AIPL1: variants seen among roughly 807,000 people sequenced by gnomAD.
AIPL1 encodes aryl-hydrocarbon-interacting protein-like 1.
In AIPL1, 23 loss-of-function variants were observed where a neutral mutation model predicts 32.9. That is an observed-to-expected ratio of 0.70 (90% confidence interval 0.50 to 0.99). The LOEUF is 0.99. Among genes scored for constraint, AIPL1 ranks in the 50% least tolerant of loss-of-function variants. AIPL1 has a pLI of 0.00. For missense variants in AIPL1, 485 were observed against 506.0 expected, an observed-to-expected ratio of 0.96 and a Z score of 0.40; for synonymous variants, 210 against 209.4, an observed-to-expected ratio of 1.00 and a Z score of -0.02.
chr17:6,433,002 G>A (rs948249401), intron 2 of AIPL1, among the ~76,000 whole-genome samples: 38 of 152,212 alleles, frequency 2.5e-4, no homozygotes, highest in African/African-American at 8.9e-4. Flanking sequence ...GGAAGTGGGT[G>A]GGTTGGGAGA....
intron 2 of AIPL1, among the ~76,000 whole-genome samples, chr17:6,429,588 G>T (rs12942618): frequency 2.6e-5 from 4 of 152,086 alleles, no homozygotes; most frequent in Admixed American, 1.3e-4. Flanking sequence ...GGCACCCCAT[G>T]GCTCCCAGCA....
chr17:6,425,656 C>A lies in AIPL1; in HGVS notation c.959G>T (p.Arg320Leu). 1 of 1,611,390 alleles carries A rather than the reference C, an allele frequency of 6.2e-7. No homozygotes were observed. The highest frequency in any genetic ancestry group is 8.5e-7 in the Non-Finnish European group (1 of 1,179,942). The change falls in exon 6 of 6, where the codon CGG becomes CTG. Residue 320 changes from arginine to leucine, a missense_variant. Physicochemically the swap from Arg to Leu is moderately radical, Grantham distance 102. Transcript: ENST00000381129. Reference protein sequence around the residue: ...NRMAEKQEEERLRCRNMLSQG... With the variant: ...NRMAEKQEEELLRCRNMLSQG... ...GCTCAGCATGTTCCGGCAGCGCAGCCGCTCCTCCTCCTGCTTCTCCGCCAT... is the reference window on the plus strand; with the variant it reads ...GCTCAGCATGTTCCGGCAGCGCAGCAGCTCCTCCTCCTGCTTCTCCGCCAT...
chr17:6,435,061 G>T lies in AIPL1; in HGVS notation c.44C>A (p.Thr15Asn), dbSNP rs752651421. The change falls in exon 1 of 6, where the codon ACC becomes AAC. Residue 15 changes from threonine (T) to asparagine (N), a missense_variant. By Grantham distance (65) the Thr-to-Asn change is moderately conservative. Coordinates refer to ENST00000381129, the MANE Select transcript of AIPL1 (RefSeq NM_014336.5). The part of the protein sequence containing the change: ...LLLNVEGVKK[T>N]ILHGGTGELP... Reference sequence around the variant, plus strand: ...CTCGCCCGTGCCCCCGTGCAGAATGGTTTTCTTGACCCCTTCCACGTTCAG... The same window carrying T: ...CTCGCCCGTGCCCCCGTGCAGAATGTTTTTCTTGACCCCTTCCACGTTCAG... The T allele has an allele frequency of 6.2e-7, 1 of 1,614,220 alleles. No homozygotes were observed. The highest frequency in any genetic ancestry group is 8.5e-7 in the Non-Finnish European group (1 of 1,180,038).
intron 2 of AIPL1, among the ~76,000 whole-genome samples, chr17:6,432,780 G>A (rs1277901980): frequency 2.6e-5 from 4 of 152,078 alleles, no homozygotes; most frequent in African/African-American, 7.2e-5. Context: ...ACAGGCATGT[G>A]CCACCACGCC....
chr17:6,425,987 G>A, intron 5 of AIPL1, 157 bp from the exon 6 acceptor site: 2 of 1,114,258 alleles, frequency 1.8e-6, no homozygotes, highest in South Asian at 1.7e-5. Flanking sequence ...ACTGTAAGAT[G>A]GAGATGATGA....
chr17:6,429,816 GTAGGTAGGTAGATAGATAGATAGATAGA>G (rs772708629), intron 2 of AIPL1, among the ~76,000 whole-genome samples: 65 of 145,068 alleles, frequency 4.5e-4, no homozygotes, highest in Non-Finnish European at 6.3e-4. Context: ...AGGTAGGTAG[GTAGGTAGGTAGATAGATAGATAGATAGA>G]TAGATAGATA....
chr17:6,427,212 C>T, intron 3 of AIPL1, 155 bp from the exon 4 acceptor site: 1 of 795,348 alleles, frequency 1.3e-6, no homozygotes, highest in Non-Finnish European at 2.1e-6. Context: ...ACGCCGAAAA[C>T]CCTGCCCTAA....
rs747219996 is a variant in AIPL1 at position 6,425,796 on chromosome 17, A to G, written c.819T>C (p.Ala273=). The part of the protein sequence containing the change: ...IVKAYYVRAR[A]HAEVWNEAEA... ...CGGCCTCATTCCACACCTCTGCGTG[A>G]GCCCGGGCACGCACGTAGTAGGCCT... The change falls in exon 6 of 6, where the codon GCT becomes GCC. Residue 273 remains alanine, a synonymous_variant. Transcript: ENST00000381129. 2 of 1,605,668 alleles carry G rather than the reference A, an allele frequency of 1.2e-6. No homozygotes were observed. Among genetic ancestry groups the G allele is most frequent in the Admixed American group, 3.3e-5 (2 of 60,010 alleles).
chr17:6,431,847 C>T (rs946579631), intron 2 of AIPL1, among the ~76,000 whole-genome samples: 1 of 152,122 alleles, frequency 6.6e-6, no homozygotes, highest in Admixed American at 6.5e-5. Flanking sequence ...GTGTGATGTA[C>T]GTCTCCCAAA....
rs1911782462 is a variant in AIPL1 at position 6,425,241 on chromosome 17, G to T, written c.*219C>A. 1 of 488,542 alleles carries T rather than the reference G, an allele frequency of 2.0e-6. No individual in the cohort carries two copies. The highest frequency in any genetic ancestry group is 2.0e-5 in the African/African-American group (1 of 51,152). The allele number at this position is 488,542 out of a possible 1,614,324, so 30.3% of individuals were successfully genotyped here. A position where few individuals can be genotyped will look rare whatever the true frequency, so the allele number is the denominator to read the frequency against. On this transcript the variant is annotated 3_prime_UTR_variant, in exon 6 of 6. Transcript: ENST00000381129. ...CAGGGTCAATTAAAACCATGGCACG[G>T]AAGGAATGAGAGGGGTAGAGGAGAA...
chr17:6,428,330 G>C lies in AIPL1; in HGVS notation c.453C>G (p.Ile151Met). 6.2e-7 allele frequency: 1 copy of C among 1,609,098 alleles called. No individual in the cohort carries two copies. Among genetic ancestry groups the C allele is most frequent in the Non-Finnish European group, 8.5e-7 (1 of 1,179,996 alleles). ...QKEPQPLVFV[I>M]ELLQVDAPSD... ...ACCCCAGCCCCACCTGCAGCAGCTC[G>C]ATCACAAAGACCAGAGGCTGAGGCT... is the stretch of plus-strand genomic sequence containing the variant. Residue 151 changes from isoleucine (I) to methionine (M), a missense_variant, in exon 3 of 6, where the codon ATC becomes ATG. Transcript: ENST00000381129.
rs200939019 is a variant in AIPL1, at chr17:6,425,819, C to A, written c.796G>T (p.Ala266Ser). 2.4e-5 allele frequency: 39 copies of A among 1,604,002 alleles called. No individual in the cohort carries two copies. The highest frequency in any genetic ancestry group is 3.2e-5 in the Non-Finnish European group (38 of 1,179,658). ...TGAGCCCGGGCACGCACGTAGTAGG[C>A]CTTCACGATGCCTGTGGGGAGCAGG... ...ILRHHPGIVK[A>S]YYVRARAHAE... Residue 266 changes from alanine to serine, a missense_variant, in exon 6 of 6, where the codon GCC (alanine) becomes TCC (serine). Coordinates refer to ENST00000381129, the MANE Select transcript of AIPL1 (RefSeq NM_014336.5).
rs148010153 is a variant in AIPL1 at position 6,427,927 on chromosome 17, T to A, written c.465+391A>T. 1.1e-3 allele frequency among the ~76,000 whole-genome samples: 165 copies of A among 152,174 alleles called. 5 individuals carry two copies. In the East Asian group the frequency reaches 0.029, roughly 26 times the overall value. ...ACTTCCCAGGTTCAAGCAATTCTCATGCCTCAAATTCCCAAGTAGCTGGGA... is the reference window on the plus strand; with the variant it reads ...ACTTCCCAGGTTCAAGCAATTCTCAAGCCTCAAATTCCCAAGTAGCTGGGA... On this transcript the variant is annotated intron_variant, in intron 3 of 5. Coordinates refer to ENST00000381129, the MANE Select transcript of AIPL1 (RefSeq NM_014336.5).
chr17:6,426,196 G>A, intron 5 of AIPL1: 1 of 1,279,110 alleles, frequency 7.8e-7, no homozygotes, highest in Non-Finnish European at 9.9e-7. Context: ...TGTGCCTGAT[G>A]CATGAGCCAG....
intron 5 of AIPL1, 75 bp downstream of exon 5, chr17:6,426,540 G>A: frequency 6.4e-7 from 1 of 1,562,960 alleles, no homozygotes; most frequent in Non-Finnish European, 8.6e-7. Context: ...GAAAAGTCCA[G>A]GAAGGCTATG....
rs746661125 is a variant in AIPL1 at position 6,433,987 on chromosome 17, C to T, written c.208G>A (p.Glu70Lys). The change falls in exon 2 of 6, where the codon GAG becomes AAG. Residue 70 changes from glutamate to lysine, a missense_variant. Coordinates refer to ENST00000381129, the MANE Select transcript of AIPL1 (RefSeq NM_014336.5). Reference sequence around the variant, plus strand: ...GAGGTAAGCAGGATCTCCCAGACCTCGAGCTTGAACATGTTTCCGATGATG... The same window carrying T: ...GAGGTAAGCAGGATCTCCCAGACCTTGAGCTTGAACATGTTTCCGATGATG... ...HIIIGNMFKL[E>K]VWEILLTSMR... 5 of 1,614,014 alleles carry T rather than the reference C, an allele frequency of 3.1e-6. No homozygotes were observed. In the African/African-American group the frequency reaches 4.0e-5, roughly 13 times the overall value.
At chr17:6,434,356 CTTTTTTTT>C (rs71381392) in intron 1 of AIPL1, among the ~76,000 whole-genome samples, 14 of 105,006 alleles carry the variant, frequency 1.3e-4, no homozygotes, top group Non-Finnish European at 2.0e-4. Context: ...AGCCCGAGTT[CTTTTTTTT>C]TTTTTTTTTT....
At chr17:6,429,583 C>A (rs142886710) in intron 2 of AIPL1, among the ~76,000 whole-genome samples, 1 of 152,330 alleles carries the variant, frequency 6.6e-6, no homozygotes, top group African/African-American at 2.4e-5. Context: ...AGCTCGGCAC[C>A]CCATGGCTCC....
Position 6,434,075 on chromosome 17 carries a change from C to A in AIPL1, c.120G>T (p.Met40Ile). 6.2e-7 allele frequency: 1 copy of A among 1,614,082 alleles called. No homozygotes were observed. The highest frequency in any genetic ancestry group is 1.1e-5 in the South Asian group (1 of 91,064). Residue 40 changes from methionine (M) to isoleucine (I), a missense_variant, in exon 2 of 6, where the codon ATG becomes ATT. Met to Ile is a conservative substitution (Grantham distance 10). Coordinates refer to ENST00000381129, the MANE Select transcript of AIPL1 (RefSeq NM_014336.5). Reference protein sequence around the residue: ...GSRVIFHFRTMKCDEERTVID... With the variant: ...GSRVIFHFRTIKCDEERTVID... ...TGACTGTCCGCTCCTCATCACATTTCATGGTGCGGAAATGAAAGATCACCT... is the reference window on the plus strand; with the variant it reads ...TGACTGTCCGCTCCTCATCACATTTAATGGTGCGGAAATGAAAGATCACCT...
Sources: gnomAD v4.1 joint callset for allele counts (sites outside exome capture counted in the v4.1 genomes callset) on GRCh38, gnomAD v4.1.1 for gene constraint, MANE v1.5 for transcripts, NCBI Gene and HGNC (gene_info 2026-07-23, HGNC 2026-07-21) for gene names.